SLC30A9: variants seen among roughly 807,000 people sequenced by gnomAD.
SLC30A9 encodes the protein proton-coupled zinc antiporter SLC30A9, mitochondrial.
SLC30A9 carries 58 observed loss-of-function variants against 87.5 expected under a neutral mutation model. That is an observed-to-expected ratio of 0.66 (90% CI 0.54 to 0.82). The LOEUF is 0.82. SLC30A9 is among the 40% of genes least tolerant of loss of function. The pLI, the probability that SLC30A9 is intolerant of heterozygous loss-of-function variation, is 0.00. For missense variants in SLC30A9, 557 were observed against 679.1 expected (o/e 0.82, Z 2.00); for synonymous variants, 234 against 233.0 (o/e 1.00, Z -0.04).
chr4:42,025,847 A>C (rs1033944311), intron 6 of SLC30A9, among the ~76,000 whole-genome samples: 1 of 152,178 alleles, frequency 6.6e-6, no homozygotes, highest in South Asian at 2.1e-4. Flanking sequence ...TTGTATTTTT[A>C]GTAGAGACAG....
intron 3 of SLC30A9, 144 bp from the exon 4 acceptor site, chr4:42,020,271 TA>T: frequency 1.8e-6 from 1 of 548,654 alleles, no homozygotes; most frequent in South Asian, 2.6e-5. Context: ...TGCACTTGGA[TA>T]ATTTTTTCTC....
At chr4:42,084,266 T>C (rs1718840276) in intron 17 of SLC30A9, among the ~76,000 whole-genome samples, 1 of 152,314 alleles carries the variant, frequency 6.6e-6, no homozygotes, top group African/African-American at 2.4e-5. Context: ...TTTTAGTATG[T>C]CTTTATTTAT....
At chr4:42,018,045 T>G (rs1715794216) in intron 2 of SLC30A9, 66 bp from the exon 3 acceptor site, 17 of 862,298 alleles carry the variant, frequency 2.0e-5, no homozygotes, top group Non-Finnish European at 3.8e-6. Context: ...TTGGCTAATA[T>G]TAATTAAGTT....
chr4:42,025,190 A>G (rs1400945298), intron 6 of SLC30A9, among the ~76,000 whole-genome samples: 3 of 152,224 alleles, frequency 2.0e-5, no homozygotes, highest in African/African-American at 7.2e-5. Flanking sequence ...CAGACATTAT[A>G]TCATTTTATT....
chr4:42,036,341 T>C (rs1264341467), intron 7 of SLC30A9, among the ~76,000 whole-genome samples: 1 of 152,202 alleles, frequency 6.6e-6, no homozygotes, highest in African/African-American at 2.4e-5. Context: ...AATACTCTGC[T>C]TTCCTTCCTA....
chr4:42,001,433 A>T (rs1714979593), intron 1 of SLC30A9, among the ~76,000 whole-genome samples, 183 bp from the exon 2 acceptor site: 1 of 152,058 alleles, frequency 6.6e-6, no homozygotes, highest in South Asian at 2.1e-4. Flanking sequence ...TTATATTTTT[A>T]AAAATTTCCA....
At chr4:42,025,188 A>G (rs974006073) in intron 6 of SLC30A9, among the ~76,000 whole-genome samples, 3 of 152,212 alleles carry the variant, frequency 2.0e-5, no homozygotes, top group Non-Finnish European at 2.9e-5. Flanking sequence ...TCCAGACATT[A>G]TATCATTTTA....
At chr4:42,068,542 G>A (rs958683350) in intron 14 of SLC30A9, among the ~76,000 whole-genome samples, 11 of 152,304 alleles carry the variant, frequency 7.2e-5, no homozygotes, top group African/African-American at 1.9e-4. Flanking sequence ...ACCACGCCCG[G>A]CCGGAACTTA....
chr4:42,067,657 A>G (rs947001774), intron 14 of SLC30A9, among the ~76,000 whole-genome samples: 1 of 152,234 alleles, frequency 6.6e-6, no homozygotes, highest in Admixed American at 6.5e-5. Flanking sequence ...AAAAATATCA[A>G]TTCCTAACTG....
chr4:42,055,780 A>G (rs1478064708), intron 9 of SLC30A9, among the ~76,000 whole-genome samples: 1 of 152,260 alleles, frequency 6.6e-6, no homozygotes, highest in African/African-American at 2.4e-5. Context: ...ATATGCACAT[A>G]AAACAACTAG....
intron 9 of SLC30A9, among the ~76,000 whole-genome samples, chr4:42,054,602 T>C (rs1042369832): frequency 6.6e-6 from 1 of 151,628 alleles, no homozygotes; most frequent in African/African-American, 2.4e-5. Context: ...ACCATTCTCC[T>C]GCCTCAGCCT....
At position 42,036,089 on chromosome 4, in the gene SLC30A9, A is replaced by T. The variant is rs182981519; in HGVS notation, c.669+756A>T. 1.3e-3 allele frequency among the ~76,000 whole-genome samples: 195 copies of T among 152,260 alleles called. 1 individual carries two copies. Among genetic ancestry groups the T allele is most frequent in the Non-Finnish European group, 1.7e-3 (115 of 68,012 alleles). On this transcript the variant is annotated intron_variant, in intron 7 of 17. Transcript: ENST00000264451. ...TTATATGACTATACAAAATCAATGG[A>T]TACTCAATATTATTTGACAGTCTTA...
At chr4:42,048,922 T>C (rs1344192340) in intron 8 of SLC30A9, among the ~76,000 whole-genome samples, 3 of 152,202 alleles carry the variant, frequency 2.0e-5, no homozygotes, top group Non-Finnish European at 4.4e-5. Flanking sequence ...CAAAGTTTTT[T>C]AAGGCTAGGG....
At chr4:41,998,462 C>CTTTTTTTTTTTTTTTTT (rs34295020) in intron 1 of SLC30A9, among the ~76,000 whole-genome samples, 2 of 144,950 alleles carry the variant, frequency 1.4e-5, no homozygotes. Flanking sequence ...TTCAGTAATT[C>CTTTTTTTTTTTTTTTTT]TTTTTTTTTG....
intron 4 of SLC30A9, among the ~76,000 whole-genome samples, chr4:42,021,655 T>C (rs373244549): frequency 3.2e-4 from 48 of 152,326 alleles, no homozygotes; most frequent in African/African-American, 9.9e-4. Flanking sequence ...TTAGTATTAA[T>C]CTACATATAA....
At chr4:42,029,567 A>G (rs879230229) in intron 6 of SLC30A9, 2 of 695,234 alleles carry the variant, frequency 2.9e-6, no homozygotes, top group Non-Finnish European at 5.3e-6. Flanking sequence ...TCAGCCCAGA[A>G]GGATGACATG....
Position 42,070,524 on chromosome 4 carries a change from A to AT in SLC30A9, c.1253-2_1253-1insT. The AT allele has an allele frequency of 6.2e-7, 1 of 1,607,536 alleles. No individual in the cohort carries two copies. Among genetic ancestry groups the AT allele is most frequent in the South Asian group, 1.1e-5 (1 of 90,116 alleles). ...ACTGATTTTTTTATGTGCTTCATTTAGGCAATCCACTGTATGACAGCCTAG... is the reference window on the plus strand; with the variant it reads ...ACTGATTTTTTTATGTGCTTCATTTATGGCAATCCACTGTATGACAGCCTAG... On this transcript the variant is annotated splice_acceptor_variant, in intron 14 of 17. Coordinates refer to ENST00000264451, the MANE Select transcript of SLC30A9 (RefSeq NM_006345.4). LOFTEE classifies it high-confidence loss of function.
intron 8 of SLC30A9, among the ~76,000 whole-genome samples, chr4:42,043,673 A>G (rs1717013226): frequency 6.6e-6 from 1 of 152,238 alleles, no homozygotes. Context: ...GAACTTCCCC[A>G]ACCTAGCAAG....
Position 42,086,079 on chromosome 4 carries a change from C to T in SLC30A9, c.1663-3C>T, listed in dbSNP as rs1029667503. 3.5e-6 allele frequency: 5 copies of T among 1,436,920 alleles called. No homozygotes were observed. The highest frequency in any genetic ancestry group is 3.0e-5 in the African/African-American group (2 of 66,962). The allele number at this position is 1,436,920 out of a possible 1,614,324, so 89.0% of individuals were successfully genotyped here. On this transcript the variant is annotated splice_region_variant and splice_polypyrimidine_tract_variant and intron_variant, in intron 17 of 17. Coordinates refer to ENST00000264451, the MANE Select transcript of SLC30A9 (RefSeq NM_006345.4). Reference sequence around the variant, plus strand: ...ATAATGTGGTGGTGATTTTTCTTTCCAGAAACGAAATCCTGAAGTTCGACA... The same window carrying T: ...ATAATGTGGTGGTGATTTTTCTTTCTAGAAACGAAATCCTGAAGTTCGACA...
Sources: allele counts gnomAD v4.1 joint callset (sites outside exome capture counted in the v4.1 genomes callset), GRCh38; gene constraint gnomAD v4.1.1; transcripts MANE v1.5; gene names NCBI Gene and HGNC (gene_info 2026-07-23, HGNC 2026-07-21).